Variants in FAT3 observed in about 807,000 individuals in gnomAD.
The protein encoded by FAT3 is FAT atypical cadherin 3, also known as protocadherin Fat 3.
Under a neutral mutation model 310.2 loss-of-function variants are expected in FAT3, and 95 were observed. That is an observed-to-expected ratio of 0.31 (90% confidence interval 0.26 to 0.36). FAT3 has a LOEUF of 0.36. Ranked by LOEUF, FAT3 falls within the 10% of genes least tolerant of loss-of-function variation. The pLI is 1.00. For synonymous variants in FAT3, 2,314 were observed against 2,192.9 expected, an observed-to-expected ratio of 1.06 and a Z score of -1.54; for missense variants, 5,408 against 5,715.6, an observed-to-expected ratio of 0.95 and a Z score of 1.74.
intron 18 of FAT3, 76 bp downstream of exon 18, chr11:92,840,835 T>C: frequency 7.3e-7 from 1 of 1,362,602 alleles, no homozygotes; most frequent in Non-Finnish European, 9.8e-7. Context: ...GGTGGATTTT[T>C]TTCTTTGCTG....
At chr11:92,372,638 C>T (rs757479597) in intron 2 of FAT3, among the ~76,000 whole-genome samples, 1 of 150,232 alleles carries the variant, frequency 6.7e-6, no homozygotes, top group African/African-American at 2.5e-5. Flanking sequence ...CAGCACTTTG[C>T]GTTCTTTGAT....
intron 1 of FAT3, among the ~76,000 whole-genome samples, chr11:92,344,668 A>G (rs1376964468): frequency 6.6e-6 from 1 of 152,230 alleles, no homozygotes; most frequent in Non-Finnish European, 1.5e-5. Flanking sequence ...GGAAGAAGAA[A>G]TCTGTGCTGG....
chr11:92,392,798 C>G (rs913722909), intron 2 of FAT3, among the ~76,000 whole-genome samples: 3 of 152,186 alleles, frequency 2.0e-5, no homozygotes, highest in Non-Finnish European at 4.4e-5. Context: ...CCCCAGAACC[C>G]TTCAGCTATA....
chr11:92,889,817 T>G, intron 26 of FAT3, 39 bp from the exon 27 acceptor site: 1 of 717,770 alleles, frequency 1.4e-6, no homozygotes, highest in Non-Finnish European at 2.6e-6. Context: ...TCACATGGTT[T>G]GGACTGTCAG....
chr11:92,507,461 G>GTA (rs1376731999), intron 2 of FAT3, among the ~76,000 whole-genome samples: 1 of 151,778 alleles, frequency 6.6e-6, no homozygotes, highest in East Asian at 1.9e-4. Flanking sequence ...GCTTTTATAT[G>GTA]TATATATATG....
intron 13 of FAT3, among the ~76,000 whole-genome samples, chr11:92,828,451 T>A (rs1261164467): frequency 6.6e-6 from 1 of 152,136 alleles, no homozygotes; most frequent in Admixed American, 6.5e-5. Flanking sequence ...TTTAGCAGGT[T>A]TTTTGTCCTG....
At chr11:92,699,299 A>C (rs1944028132) in intron 4 of FAT3, among the ~76,000 whole-genome samples, 1 of 152,214 alleles carries the variant, frequency 6.6e-6, no homozygotes, top group Non-Finnish European at 1.5e-5. Context: ...CATTAGGGTG[A>C]CTAGAGTTTA....
intron 13 of FAT3, among the ~76,000 whole-genome samples, chr11:92,810,769 T>C (rs1442486753): frequency 1.3e-5 from 2 of 152,086 alleles, no homozygotes; most frequent in East Asian, 3.9e-4. Context: ...AGGTAGACCT[T>C]CTGAGAATGC....
At chr11:92,246,643 G>C (rs117913077) in intron 1 of FAT3, among the ~76,000 whole-genome samples, 33 of 152,192 alleles carry the variant, frequency 2.2e-4, no homozygotes, top group Admixed American at 1.8e-3. Flanking sequence ...AAAAGGTAGA[G>C]ATTCTAAGGA....
intron 13 of FAT3, among the ~76,000 whole-genome samples, chr11:92,822,566 C>G (rs1947995767): frequency 6.6e-6 from 1 of 152,186 alleles, no homozygotes; most frequent in Non-Finnish European, 1.5e-5. Context: ...CCTTGTGAGG[C>G]CTCCTTGACA....
At chr11:92,360,217 A>G (rs988405702) in intron 2 of FAT3, among the ~76,000 whole-genome samples, 2 of 152,192 alleles carry the variant, frequency 1.3e-5, no homozygotes, top group African/African-American at 2.4e-5. Context: ...CCAGCAACAG[A>G]CAAACAGAGA....
intron 2 of FAT3, among the ~76,000 whole-genome samples, chr11:92,365,651 G>T (rs1948999045): frequency 6.6e-6 from 1 of 152,170 alleles, no homozygotes; most frequent in Non-Finnish European, 1.5e-5. Flanking sequence ...TGAACACTGG[G>T]CCTGTGTGGC....
At chr11:92,319,370 ATAT>A (rs1947549325) in intron 1 of FAT3, among the ~76,000 whole-genome samples, 1 of 96,480 alleles carries the variant, frequency 1.0e-5, no homozygotes, top group African/African-American at 1.7e-4. Context: ...GGTAGAATTC[ATAT>A]AACACTGAAT....
intron 1 of FAT3, among the ~76,000 whole-genome samples, chr11:92,264,642 A>G (rs866653432): frequency 1.1e-4 from 17 of 152,270 alleles, no homozygotes; most frequent in Middle Eastern, 3.4e-3. Context: ...TGAATCCTGA[A>G]TATTGCTTTG....
At chr11:92,592,784 A>G (rs1939505026) in intron 3 of FAT3, among the ~76,000 whole-genome samples, 1 of 152,182 alleles carries the variant, frequency 6.6e-6, no homozygotes, top group African/African-American at 2.4e-5. Flanking sequence ...GATATGGTGC[A>G]TATTTTATTT....
chr11:92,409,477 T>A (rs1032917490), intron 2 of FAT3, among the ~76,000 whole-genome samples: 11 of 152,184 alleles, frequency 7.2e-5, no homozygotes, highest in Admixed American at 7.2e-4. Context: ...ATATCAGCCC[T>A]CCACTACAGT....
chr11:92,876,021 C>T (rs1356552250), intron 22 of FAT3, among the ~76,000 whole-genome samples: 2 of 152,176 alleles, frequency 1.3e-5, no homozygotes, highest in Admixed American at 6.5e-5. Flanking sequence ...AAATGTCCCT[C>T]AGATCTGGAC....
At chr11:92,587,941 T>A (rs1057251388) in intron 3 of FAT3, among the ~76,000 whole-genome samples, 2 of 151,974 alleles carry the variant, frequency 1.3e-5, no homozygotes, top group African/African-American at 4.8e-5. Flanking sequence ...TCCTTAATAG[T>A]GGAATAAAAA....
chr11:92,782,528 C>T (rs768874643), intron 7 of FAT3, among the ~76,000 whole-genome samples: 8 of 152,134 alleles, frequency 5.3e-5, no homozygotes, highest in Non-Finnish European at 1.0e-4. Flanking sequence ...GCCATGATCA[C>T]ACCACTATAC....
Sources: allele counts gnomAD v4.1 joint callset (sites outside exome capture counted in the v4.1 genomes callset), GRCh38; gene constraint gnomAD v4.1.1; transcripts MANE v1.5; gene names NCBI Gene and HGNC (gene_info 2026-07-23, HGNC 2026-07-21).